Variants in MEIS2 observed in about 807,000 individuals in gnomAD.
MEIS2 encodes Meis homeobox 2, also known as homeobox protein Meis2.
A neutral mutation model predicts 58.6 loss-of-function variants in MEIS2; 9 were observed. That is an observed-to-expected ratio of 0.15 (90% CI 0.09 to 0.27). MEIS2 has a LOEUF of 0.27. Among genes scored for constraint, MEIS2 ranks in the 10% least tolerant of loss-of-function variants. The probability of loss-of-function intolerance (pLI) is 1.00; values close to 1 mark genes in which losing one functional copy is unlikely to be tolerated. For synonymous variants in MEIS2, 221 were observed against 228.4 expected, an observed-to-expected ratio of 0.97 and a Z score of 0.29; for missense variants, 427 against 635.0, an observed-to-expected ratio of 0.67 and a Z score of 3.52.
At chr15:37,081,718 T>C (rs1295958002) in intron 7 of MEIS2, among the ~76,000 whole-genome samples, 1 of 152,138 alleles carries the variant, frequency 6.6e-6, no homozygotes, top group African/African-American at 2.4e-5. Flanking sequence ...GTAAAATGAC[T>C]GACTTCCTAG....
At chr15:36,963,787 A>C (rs1035601286) in intron 8 of MEIS2, among the ~76,000 whole-genome samples, 2 of 152,220 alleles carry the variant, frequency 1.3e-5, no homozygotes, top group Admixed American at 1.3e-4. Flanking sequence ...AGAAACAGAG[A>C]TTGAAATTAG....
chr15:37,096,482 G>A, intron 2 of MEIS2, 52 bp from the exon 3 acceptor site: 1 of 1,587,584 alleles, frequency 6.3e-7, no homozygotes, highest in Non-Finnish European at 8.6e-7. Flanking sequence ...GGTGCAGAGG[G>A]GAAGGAGCAA....
In MEIS2 at chr15:36,891,926, A is replaced by T. The variant is rs1341343974; in HGVS notation, c.*247T>A. The T allele has an allele frequency of 1.6e-5, 9 of 558,360 alleles. No homozygotes were observed. The Admixed American group carries it at 2.4e-4, about 15-fold the overall frequency. The allele number at this position is 558,360 out of a possible 1,614,324, so 34.6% of individuals were successfully genotyped here. A position where few individuals can be genotyped will look rare whatever the true frequency, so the allele number is the denominator to read the frequency against. On this transcript the variant is annotated 3_prime_UTR_variant, in exon 12 of 12. Coordinates refer to ENST00000561208, the MANE Select transcript of MEIS2 (RefSeq NM_170675.5). ...AACTTAGTTCCTATATTTATACTAC[A>T]GTAGTTATAACTCTCGGAGTCTTTT...
chr15:36,953,425 T>G (rs1430272206), intron 8 of MEIS2, among the ~76,000 whole-genome samples: 2 of 152,190 alleles, frequency 1.3e-5, no homozygotes, highest in African/African-American at 4.8e-5. Flanking sequence ...CCACAAGCAA[T>G]AATTTGTTGT....
intron 9 of MEIS2, among the ~76,000 whole-genome samples, chr15:36,926,218 C>CA (rs2057742509): frequency 6.6e-6 from 1 of 151,692 alleles, no homozygotes; most frequent in South Asian, 2.1e-4. Context: ...GGACAGAACA[C>CA]CTACTGCATA....
chr15:36,932,684 G>T (rs918793256), intron 9 of MEIS2, among the ~76,000 whole-genome samples: 1 of 149,654 alleles, frequency 6.7e-6, no homozygotes, highest in Non-Finnish European at 1.5e-5. Context: ...GTGTGTGTCT[G>T]TCTGTCTTCT....
chr15:36,961,057 T>C (rs1205968728), intron 8 of MEIS2, among the ~76,000 whole-genome samples: 2 of 152,106 alleles, frequency 1.3e-5, no homozygotes, highest in African/African-American at 4.8e-5. Flanking sequence ...CAGTGAAAGT[T>C]AAACTAAATC....
intron 7 of MEIS2, among the ~76,000 whole-genome samples, chr15:37,039,152 G>A (rs1325718717): frequency 6.6e-6 from 1 of 152,188 alleles, no homozygotes; most frequent in Non-Finnish European, 1.5e-5. Context: ...CACACTGCAA[G>A]TGCAAGTTTG....
intron 8 of MEIS2, among the ~76,000 whole-genome samples, chr15:36,983,724 T>C (rs1165099630): frequency 2.0e-5 from 3 of 152,082 alleles, no homozygotes; most frequent in Non-Finnish European, 4.4e-5. Flanking sequence ...AATCCATGGA[T>C]TGCTTTAGGT....
intron 6 of MEIS2, among the ~76,000 whole-genome samples, chr15:37,090,362 C>A (rs1000185084): frequency 1.2e-4 from 18 of 152,030 alleles, no homozygotes; most frequent in African/African-American, 4.3e-4. Flanking sequence ...TCAGTAACCT[C>A]ACTGAATGTA....
intron 7 of MEIS2, among the ~76,000 whole-genome samples, chr15:37,063,249 G>A (rs551203592): frequency 6.6e-5 from 10 of 152,140 alleles, no homozygotes; most frequent in Non-Finnish European, 1.3e-4. Context: ...CAGGGTGGAC[G>A]CAAACTTCTG....
rs2062191799 is a variant in MEIS2 at position 37,037,198 on chromosome 15, G to A, written c.755-239C>T. Among the ~76,000 whole-genome samples the A allele has an allele frequency of 2.6e-5, 4 of 152,094 alleles. No individual in the cohort carries two copies. In the South Asian group the frequency reaches 8.3e-4, roughly 32 times the overall value. On this transcript the variant is annotated intron_variant, in intron 7 of 11. Transcript: ENST00000561208. ...ATATCATTAATTCAATTATAACTGT[G>A]CACTTGACACAGTGCAGTAGCTCTT...
At chr15:36,943,075 T>C (rs982736137) in intron 9 of MEIS2, among the ~76,000 whole-genome samples, 1 of 152,178 alleles carries the variant, frequency 6.6e-6, no homozygotes, top group African/African-American at 2.4e-5. Context: ...TATCCATCTG[T>C]GACTGGGGCT....
intron 9 of MEIS2, among the ~76,000 whole-genome samples, chr15:36,938,293 C>T (rs2058249795): frequency 6.6e-6 from 1 of 151,940 alleles, no homozygotes; most frequent in African/African-American, 2.4e-5. Flanking sequence ...TCCCACAGTG[C>T]TTCCTGTTAT....
intron 7 of MEIS2, among the ~76,000 whole-genome samples, chr15:37,069,467 T>G (rs1232551335): frequency 6.6e-6 from 1 of 152,202 alleles, no homozygotes; most frequent in African/African-American, 2.4e-5. Context: ...AAGATAGTCT[T>G]AACTGTACCA....
Position 36,896,621 on chromosome 15 carries a change from A to T in MEIS2, c.1036+7T>A, listed in dbSNP as rs1306782698. 6.2e-7 allele frequency: 1 copy of T among 1,610,420 alleles called. No individual in the cohort carries two copies. ...GGACATAAATATAGATACTACTTGGAACTTGCCTGCTCGATTTGACTGGTC... is the reference window on the plus strand; with the variant it reads ...GGACATAAATATAGATACTACTTGGTACTTGCCTGCTCGATTTGACTGGTC... On this transcript the variant is annotated splice_region_variant and intron_variant, in intron 10 of 11. Coordinates refer to ENST00000561208, the MANE Select transcript of MEIS2 (RefSeq NM_170675.5).
At chr15:36,914,229 G>A (rs771920307) in intron 9 of MEIS2, among the ~76,000 whole-genome samples, 26 of 152,300 alleles carry the variant, frequency 1.7e-4, no homozygotes, top group African/African-American at 4.6e-4. Flanking sequence ...ATGGAGAAGC[G>A]TAAGAATCCA....
chr15:37,016,560 C>A (rs990439558), intron 8 of MEIS2, among the ~76,000 whole-genome samples: 2 of 152,058 alleles, frequency 1.3e-5, no homozygotes, highest in South Asian at 2.1e-4. Context: ...GAATAAGAAA[C>A]GTCTGCCAGA....
intron 8 of MEIS2, among the ~76,000 whole-genome samples, chr15:37,000,054 A>G (rs2141593460): frequency 6.6e-6 from 1 of 152,342 alleles, no homozygotes; most frequent in Middle Eastern, 3.4e-3. Flanking sequence ...TTAATATTCC[A>G]GCAAGGAAGA....
Sources: allele counts gnomAD v4.1 joint callset (sites outside exome capture counted in the v4.1 genomes callset), GRCh38; gene constraint gnomAD v4.1.1; transcripts MANE v1.5; gene names NCBI Gene and HGNC (gene_info 2026-07-23, HGNC 2026-07-21).